LYRM4: variants seen among roughly 807,000 people sequenced by gnomAD.
LYRM4 encodes LYR motif-containing protein 4.
A neutral mutation model predicts 11.7 loss-of-function variants in LYRM4; 9 were observed. The observed-to-expected ratio is 0.77, with a 90% CI of 0.46 to 1.34. The LOEUF (loss-of-function observed/expected upper bound fraction) is 1.34, where lower values mean the gene tolerates loss of function less well. Ranked by LOEUF, LYRM4 falls within the 40% of genes most tolerant of loss-of-function variation. The pLI is 0.00. For missense variants in LYRM4, 133 were observed against 112.5 expected (o/e 1.18, Z -0.82); for synonymous variants, 42 against 40.4 (o/e 1.04, Z -0.15).
At chr6:5,155,421 G>A (rs1206780636) in intron 2 of LYRM4, among the ~76,000 whole-genome samples, 1 of 152,158 alleles carries the variant, frequency 6.6e-6, no homozygotes, top group East Asian at 1.9e-4. Context: ...AAACAGGACA[G>A]TTTTCAGAGT....
At chr6:5,047,099 AT>A in the LYRM4 span, among the ~76,000 whole-genome samples, 1 of 152,172 alleles carries the variant, frequency 6.6e-6, no homozygotes, top group African/African-American at 2.4e-5. Context: ...CTCAAAAAAA[AT>A]AAAAGCTACA....
chr6:5,144,963 G>A (rs541537770), intron 2 of LYRM4, among the ~76,000 whole-genome samples: 1 of 152,330 alleles, frequency 6.6e-6, no homozygotes, highest in South Asian at 2.1e-4. Flanking sequence ...AGCCCAAAGT[G>A]AGAGTCAGTG....
chr6:5,183,597 T>C (rs1464089254), intron 2 of LYRM4, among the ~76,000 whole-genome samples: 1 of 152,216 alleles, frequency 6.6e-6, no homozygotes, highest in Non-Finnish European at 1.5e-5. Flanking sequence ...ATCTCCAATT[T>C]TGAATTTCAC....
chr6:5,145,325 G>C (rs533561906), intron 2 of LYRM4, among the ~76,000 whole-genome samples: 4 of 152,318 alleles, frequency 2.6e-5, no homozygotes, highest in Non-Finnish European at 2.9e-5. Flanking sequence ...ATTTCCATGT[G>C]GGGGGCACGC....
At chr6:5,040,245 G>A in the LYRM4 span, among the ~76,000 whole-genome samples, 1 of 152,024 alleles carries the variant, frequency 6.6e-6, no homozygotes, top group Non-Finnish European at 1.5e-5. Context: ...TTGAGCTCGA[G>A]AGGTTGAGGC....
chr6:5,251,376 GAA>G (rs1764420821), intron 1 of LYRM4, among the ~76,000 whole-genome samples: 1 of 152,154 alleles, frequency 6.6e-6, no homozygotes, highest in Non-Finnish European at 1.5e-5. Flanking sequence ...AATTTATGAA[GAA>G]AAGAGGTTTA....
At chr6:5,044,719 G>T in the LYRM4 span, among the ~76,000 whole-genome samples, 1 of 152,172 alleles carries the variant, frequency 6.6e-6, no homozygotes, top group Admixed American at 6.5e-5. Flanking sequence ...TCCTGCACTG[G>T]ATGACCCAAT....
downstream of LYRM4, among the ~76,000 whole-genome samples, chr6:5,100,957 C>T (rs910140177): frequency 1.3e-5 from 2 of 152,202 alleles, no homozygotes; most frequent in African/African-American, 2.4e-5. Flanking sequence ...GACACTGCCC[C>T]GTCCTCTGCC....
At chr6:5,072,212 C>T in the LYRM4 span, among the ~76,000 whole-genome samples, 1 of 152,144 alleles carries the variant, frequency 6.6e-6, no homozygotes, top group Non-Finnish European at 1.5e-5. Flanking sequence ...ACATTTTCTT[C>T]ATCCAGTCTG....
At chr6:5,091,500 G>A in the LYRM4 span, among the ~76,000 whole-genome samples, 1 of 152,182 alleles carries the variant, frequency 6.6e-6, no homozygotes, top group African/African-American at 2.4e-5. Context: ...AACTTCAGGC[G>A]CATTCAGATT....
intron 2 of LYRM4, among the ~76,000 whole-genome samples, chr6:5,159,016 G>C (rs181875394): frequency 6.6e-6 from 1 of 152,314 alleles, no homozygotes; most frequent in East Asian, 1.9e-4. Flanking sequence ...GGGCCACATG[G>C]GGGAGGTGGG....
the LYRM4 span, among the ~76,000 whole-genome samples, chr6:5,063,723 T>C: frequency 3.9e-5 from 6 of 152,132 alleles, no homozygotes; most frequent in Non-Finnish European, 7.4e-5. Flanking sequence ...TGGACCACAG[T>C]TGGGGAGCCA....
rs1762770874 is a variant in LYRM4, at chr6:5,109,339, C to G, written c.*84G>C. ...AGGCAGCGCAAAAGGCTATTGTAAG[C>G]TGGTTTTGGGAGCCCCCATCTCAAA... is the stretch of plus-strand genomic sequence containing the variant. On this transcript the variant is annotated 3_prime_UTR_variant, in exon 3 of 3. Transcript: ENST00000330636. 1.3e-6 allele frequency: 2 copies of G among 1,598,872 alleles called. No homozygotes were observed. The highest frequency in any genetic ancestry group is 1.7e-5 in the Admixed American group (1 of 59,644).
At chr6:5,118,039 G>A (rs391176) in intron 2 of LYRM4, among the ~76,000 whole-genome samples, 86,821 of 147,074 alleles carry the variant, frequency 0.59, 26,373 homozygotes, top group East Asian at 0.88. Flanking sequence ...CTTTCATGGG[G>A]GCTTTGGAAG....
intron 2 of LYRM4, among the ~76,000 whole-genome samples, chr6:5,180,322 T>C (rs899227824): frequency 2.0e-5 from 3 of 152,184 alleles, no homozygotes; most frequent in Non-Finnish European, 4.4e-5. Flanking sequence ...GACTGTTATC[T>C]CGTGATTTCC....
downstream of LYRM4, chr6:5,102,659 T>C (rs1274442119): frequency 6.6e-6 from 1 of 152,254 alleles, no homozygotes; most frequent in Non-Finnish European, 1.5e-5. Flanking sequence ...AGGTATTTTC[T>C]TGCAGAAGCA....
At chr6:5,047,473 T>C in the LYRM4 span, among the ~76,000 whole-genome samples, 2 of 152,252 alleles carry the variant, frequency 1.3e-5, no homozygotes, top group Non-Finnish European at 2.9e-5. Flanking sequence ...TGATGAGGTC[T>C]CCTCATATTC....
At chr6:5,043,998 G>A in the LYRM4 span, among the ~76,000 whole-genome samples, 28 of 152,280 alleles carry the variant, frequency 1.8e-4, no homozygotes, top group African/African-American at 6.3e-4. Flanking sequence ...TTCCCTGTGC[G>A]GCCCTGTGGT....
the LYRM4 span, among the ~76,000 whole-genome samples, chr6:5,037,635 G>A: frequency 3.3e-5 from 2 of 60,636 alleles, no homozygotes; most frequent in African/African-American, 4.3e-5. Flanking sequence ...GGCCGGGCGG[G>A]GGGCTGATCC....
Sources: gnomAD v4.1 joint callset for allele counts (sites outside exome capture counted in the v4.1 genomes callset) on GRCh38, gnomAD v4.1.1 for gene constraint, MANE v1.5 for transcripts, NCBI Gene and HGNC (gene_info 2026-07-23, HGNC 2026-07-21) for gene names.